Variants in OCA2 observed in about 807,000 individuals in gnomAD.
OCA2 encodes the protein P protein.
Under a neutral mutation model 100.2 loss-of-function variants are expected in OCA2, and 77 were observed. That is an observed-to-expected ratio of 0.77 (90% CI 0.64 to 0.93). The LOEUF (loss-of-function observed/expected upper bound fraction) is 0.93. Ranked by LOEUF, OCA2 falls within the 40% of genes least tolerant of loss-of-function variation. The probability of loss-of-function intolerance (pLI) is 0.00; values close to 1 mark genes in which losing one functional copy is unlikely to be tolerated. For synonymous variants in OCA2, 432 were observed against 439.2 expected (o/e 0.98, Z 0.21); for missense variants, 1,062 against 1,089.1 (o/e 0.98, Z 0.35).
At chr15:27,895,474 A>G (rs979452697) in intron 19 of OCA2, among the ~76,000 whole-genome samples, 4 of 152,242 alleles carry the variant, frequency 2.6e-5, no homozygotes, top group African/African-American at 9.6e-5. Flanking sequence ...GATATGGACA[A>G]TAAAGTCCAG....
intron 2 of OCA2, among the ~76,000 whole-genome samples, chr15:28,063,632 A>G (rs936964710): frequency 6.6e-6 from 1 of 152,116 alleles, no homozygotes; most frequent in East Asian, 1.9e-4. Flanking sequence ...AAAACAATCT[A>G]TTTAGAACTA....
chr15:27,792,312 AT>A (rs1422153770), intron 23 of OCA2, among the ~76,000 whole-genome samples: 1 of 151,802 alleles, frequency 6.6e-6, no homozygotes, highest in African/African-American at 2.4e-5. Context: ...TTTTATGCAC[AT>A]GAATGAACCA....
chr15:27,851,120 C>T (rs1203682645), intron 22 of OCA2, among the ~76,000 whole-genome samples: 2 of 152,140 alleles, frequency 1.3e-5, no homozygotes, highest in Non-Finnish European at 2.9e-5. Flanking sequence ...AGGCACACGG[C>T]GGGAACACAT....
intron 22 of OCA2, among the ~76,000 whole-genome samples, chr15:27,847,244 G>A (rs1422630918): frequency 1.3e-5 from 2 of 152,190 alleles, no homozygotes; most frequent in African/African-American, 4.8e-5. Context: ...AGACACGTGT[G>A]CGACCACCTC....
At chr15:27,939,114 G>A (rs1464433299) in intron 18 of OCA2, among the ~76,000 whole-genome samples, 1 of 152,184 alleles carries the variant, frequency 6.6e-6, no homozygotes, top group Non-Finnish European at 1.5e-5. Context: ...AGGCTCTGAG[G>A]AGCTTCATAT....
intron 3 of OCA2, among the ~76,000 whole-genome samples, chr15:28,028,850 T>G (rs1198421478): frequency 6.6e-6 from 1 of 152,088 alleles, no homozygotes; most frequent in Non-Finnish European, 1.5e-5. Context: ...CATGCCCAAC[T>G]AATTTTTGTA....
intron 22 of OCA2, among the ~76,000 whole-genome samples, chr15:27,845,968 AC>A (rs1444470076): frequency 6.6e-6 from 1 of 152,216 alleles, no homozygotes. Context: ...CCATGAAGAC[AC>A]AGCACAGACA....
intron 18 of OCA2, among the ~76,000 whole-genome samples, chr15:27,939,691 T>C (rs1424726919): frequency 1.3e-5 from 2 of 152,256 alleles, no homozygotes; most frequent in Non-Finnish European, 2.9e-5. Flanking sequence ...AGGTCAGTGC[T>C]GCAGGTGCAT....
rs749249918 is a variant in OCA2, at chr15:27,926,233, G to C, written c.1973C>G (p.Ala658Gly). 6 of 1,613,824 alleles carry C rather than the reference G, an allele frequency of 3.7e-6. No homozygotes were observed. The African/African-American group carries it at 8.0e-5, about 22-fold the overall frequency. ...ATCAGCTAAAATTAGCAACCAGATG[G>C]CACCCAGAATAGCAATCCATCCTGA... is the stretch of plus-strand genomic sequence containing the variant. ...LDLGWIAILG[A>G]IWLLILADIH... The change falls in exon 19 of 24, where the codon GCC becomes GGC. Residue 658 changes from alanine (A) to glycine (G), a missense_variant. Coordinates refer to ENST00000354638, the MANE Select transcript of OCA2 (RefSeq NM_000275.3).
intron 9 of OCA2, among the ~76,000 whole-genome samples, chr15:28,010,750 A>G (rs964760492): frequency 6.6e-6 from 1 of 152,236 alleles, no homozygotes; most frequent in East Asian, 1.9e-4. Flanking sequence ...TAAAATGTGG[A>G]TGTCAAAGCA....
At chr15:28,071,352 T>C (rs904481496) in intron 2 of OCA2, among the ~76,000 whole-genome samples, 1 of 152,162 alleles carries the variant, frequency 6.6e-6, no homozygotes, top group Non-Finnish European at 1.5e-5. Flanking sequence ...CCCAAAGCAA[T>C]GTACAGATTC....
rs2032198246 is a variant in OCA2, at chr15:27,776,140, G to GT, written c.2433-20669dup. Among the ~76,000 whole-genome samples, 3 of 152,312 alleles carry GT rather than the reference G, an allele frequency of 2.0e-5. No homozygotes were observed. The South Asian group carries it at 6.2e-4, about 32-fold the overall frequency. On this transcript the variant is annotated intron_variant, in intron 23 of 23. Transcript: ENST00000354638. ...AATCCTAGAATTTCTGTTGCTATCG[G>GT]TATGTCCGATCTTTCTCCATTTTAA...
intron 15 of OCA2, among the ~76,000 whole-genome samples, chr15:27,965,015 G>A (rs546515861): frequency 4.6e-5 from 7 of 152,292 alleles, no homozygotes; most frequent in African/African-American, 1.7e-4. Flanking sequence ...CTCAAGATTA[G>A]ACTCTTCAGG....
chr15:27,798,957 C>T (rs1340763292), intron 23 of OCA2, among the ~76,000 whole-genome samples: 1 of 152,196 alleles, frequency 6.6e-6, no homozygotes, highest in Non-Finnish European at 1.5e-5. Context: ...CCCAGATGGG[C>T]TGTTACATAA....
chr15:27,736,147 T>A, the OCA2 span, among the ~76,000 whole-genome samples: 11 of 152,302 alleles, frequency 7.2e-5, no homozygotes, highest in South Asian at 4.1e-4. Flanking sequence ...TAACTATAAG[T>A]GTACATGTTA....
intron 23 of OCA2, among the ~76,000 whole-genome samples, chr15:27,833,473 A>G (rs1404990958): frequency 6.6e-6 from 1 of 152,236 alleles, no homozygotes; most frequent in Non-Finnish European, 1.5e-5. Flanking sequence ...AGCTTACTGC[A>G]CTTTACCAGG....
rs116582224 is a variant in OCA2, at chr15:27,995,058, A to G, written c.1045-4411T>C. Among the ~76,000 whole-genome samples, 1,099 of 152,312 alleles carry G rather than the reference A, an allele frequency of 7.2e-3. 17 individuals are homozygous for G. Among genetic ancestry groups the G allele is most frequent in the African/African-American group, 0.026 (1,064 of 41,562 alleles). On this transcript the variant is annotated intron_variant, in intron 9 of 23. Coordinates refer to ENST00000354638, the MANE Select transcript of OCA2 (RefSeq NM_000275.3). ...CCCTCTTCCACTGATAAAATGGTCA[A>G]TTCAACAGGGACCTATCACAGTTAT...
intron 23 of OCA2, among the ~76,000 whole-genome samples, chr15:27,768,057 T>G (rs1451842279): frequency 6.6e-6 from 1 of 151,868 alleles, no homozygotes; most frequent in African/African-American, 2.4e-5. Context: ...CTGAAAGCGG[T>G]TGGAAAGGCA....
chr15:28,018,415 C>T lies in OCA2; in HGVS notation c.789G>A (p.Arg263=), dbSNP rs766119766. ...GCATAACCTGCTGTGGCCGCCGCCA[C>T]CTGGAGCCCAAAGCGTCAGCCTGGG... ...ELTQADALGS[R]WRRPQQVTHN... Residue 263 remains arginine (R), a synonymous_variant, in exon 7 of 24, where the codon AGG becomes AGA. Transcript: ENST00000354638. 2.5e-6 allele frequency: 4 copies of T among 1,614,148 alleles called. No homozygotes were observed. The highest frequency in any genetic ancestry group is 1.7e-5 in the Admixed American group (1 of 60,036).
Sources: allele counts gnomAD v4.1 joint callset (sites outside exome capture counted in the v4.1 genomes callset), GRCh38; gene constraint gnomAD v4.1.1; transcripts MANE v1.5; gene names NCBI Gene and HGNC (gene_info 2026-07-23, HGNC 2026-07-21).